The following SETDB2 variants were observed in gnomAD, a reference collection of about 807,000 sequenced individuals.
The protein encoded by SETDB2 is histone-lysine N-methyltransferase SETDB2.
In SETDB2, 56 loss-of-function variants were observed where a neutral mutation model predicts 82.5. That is an observed-to-expected ratio of 0.68 (90% CI 0.55 to 0.85). The LOEUF is 0.85. SETDB2 is among the 40% of genes least tolerant of loss of function. SETDB2 has a pLI of 0.00. For missense variants in SETDB2, 677 were observed against 816.4 expected (o/e 0.83, Z 2.08); for synonymous variants, 272 against 284.9 (o/e 0.95, Z 0.46).
At chr13:49,470,984 T>TTTTTTG (rs1958227646) in intron 5 of SETDB2, among the ~76,000 whole-genome samples, 1 of 147,430 alleles carries the variant, frequency 6.8e-6, no homozygotes, top group East Asian at 2.0e-4. Context: ...TTTTTTTTTT[T>TTTTTTG]GAGACAGCAG....
chr13:49,487,841 C>G (rs1566176331), intron 11 of SETDB2, among the ~76,000 whole-genome samples: 1 of 152,190 alleles, frequency 6.6e-6, no homozygotes, highest in Non-Finnish European at 1.5e-5. Context: ...TGGAAGGTGT[C>G]TCTGTCAGGG....
chr13:49,460,813 C>A (rs879125989), intron 3 of SETDB2, among the ~76,000 whole-genome samples: 2 of 151,654 alleles, frequency 1.3e-5, no homozygotes, highest in African/African-American at 4.8e-5. Context: ...ATGTGTTTAT[C>A]AAAAAAAATT....
rs947016803 is a variant in SETDB2 at position 49,491,962 on chromosome 13, G to T, written c.*113G>T. The T allele has an allele frequency of 2.6e-6, 2 of 772,530 alleles. No individual in the cohort carries two copies. Among genetic ancestry groups the T allele is most frequent in the Admixed American group, 3.8e-5 (2 of 52,930 alleles). 47.9% of individuals were successfully genotyped at this position (772,530 alleles called of 1,614,324 possible). A position where few individuals can be genotyped will look rare whatever the true frequency, so the allele number is the denominator to read the frequency against. Reference sequence around the variant, plus strand: ...TCCCCTCCGTTTTCCTTTGTCATGGGGTTTATGTTTTATTTCAGATTTTAT... The same window carrying T: ...TCCCCTCCGTTTTCCTTTGTCATGGTGTTTATGTTTTATTTCAGATTTTAT... On this transcript the variant is annotated 3_prime_UTR_variant, in exon 14 of 14. Coordinates refer to ENST00000611815, the MANE Select transcript of SETDB2 (RefSeq NM_001160308.3).
Position 49,480,249 on chromosome 13 carries a change from A to G in SETDB2, c.900A>G (p.Ala300=). The G allele has an allele frequency of 6.2e-7, 1 of 1,611,508 alleles. No homozygotes were observed. Among genetic ancestry groups the G allele is most frequent in the Non-Finnish European group, 8.5e-7 (1 of 1,179,192 alleles). ...ITKCACLQLT[A]RNAKTSPLSS... is the part of the protein sequence containing the mutation. ...AATGTGCATGTCTTCAACTGACAGC[A>G]AGGAATGCCAAAACTTCCCCCTTGT... Residue 300 remains alanine, a synonymous_variant, in exon 7 of 14, where the codon GCA becomes GCG. Transcript: ENST00000611815.
chr13:49,492,115 CAATTTAT>C lies in SETDB2; in HGVS notation c.*274_*280del. On this transcript the variant is annotated 3_prime_UTR_variant, in exon 14 of 14. Coordinates refer to ENST00000611815, the MANE Select transcript of SETDB2 (RefSeq NM_001160308.3). ...ATATTTTATATGAAATACCACTGTA[CAATTTAT>C]AATTTATTTACAAATTATATATTAA... The C allele has an allele frequency of 3.3e-6, 1 of 299,760 alleles. No homozygotes were observed. Among genetic ancestry groups the C allele is most frequent in the African/African-American group, 2.2e-5 (1 of 46,368 alleles). 18.6% of individuals were successfully genotyped at this position (299,760 alleles called of 1,614,324 possible).
At position 49,492,073 on chromosome 13, in the gene SETDB2, G is replaced by C. The variant is rs1049412270; in HGVS notation, c.*224G>C. 3 of 480,290 alleles carry C rather than the reference G, an allele frequency of 6.2e-6. No individual in the cohort carries two copies. Among genetic ancestry groups the C allele is most frequent in the Non-Finnish European group, 1.1e-5 (3 of 262,874 alleles). 29.8% of individuals were successfully genotyped at this position (480,290 alleles called of 1,614,324 possible). On this transcript the variant is annotated 3_prime_UTR_variant, in exon 14 of 14. Coordinates refer to ENST00000611815, the MANE Select transcript of SETDB2 (RefSeq NM_001160308.3). ...TGTTCACTGCTGTGCTACTTTACATGAGTAGGATGGAAGTGTATATTTTAT... is the reference window on the plus strand; with the variant it reads ...TGTTCACTGCTGTGCTACTTTACATCAGTAGGATGGAAGTGTATATTTTAT...
At chr13:49,488,032 G>C (rs1416311533) in intron 11 of SETDB2, among the ~76,000 whole-genome samples, 1 of 152,198 alleles carries the variant, frequency 6.6e-6, no homozygotes, top group Admixed American at 6.5e-5. Flanking sequence ...AAAAGGCATT[G>C]TTACGTAGTA....
At chr13:49,490,794 A>C (rs368801159) in intron 12 of SETDB2, 28 bp from the exon 13 acceptor site, 162 of 1,550,428 alleles carry the variant, frequency 1.0e-4, no homozygotes, top group Non-Finnish European at 1.4e-4. Context: ...TGCTATTTCT[A>C]ACCTTTGTGT....
chr13:49,482,611 G>A (rs747592063), intron 8 of SETDB2, 126 bp from the exon 9 acceptor site: 469 of 663,284 alleles, frequency 7.1e-4, no homozygotes, highest in Non-Finnish European at 1.1e-3. Context: ...TGTAGGATGA[G>A]TTAATGTGTT....
Position 49,461,098 on chromosome 13 carries a change from A to G in SETDB2, c.144A>G (p.Glu48=). Residue 48 remains glutamate, a splice_region_variant and synonymous_variant, in exon 4 of 14, where the codon GAA becomes GAG. Coordinates refer to ENST00000611815, the MANE Select transcript of SETDB2 (RefSeq NM_001160308.3). The part of the protein sequence containing the change: ...KIKDGSATNK[E]YIQAMILVNE... ...ATGCTGTTTTTCTGTCTTTAACAGAATACATCCAAGCAATGATTCTAGTGA... is the reference window on the plus strand; with the variant it reads ...ATGCTGTTTTTCTGTCTTTAACAGAGTACATCCAAGCAATGATTCTAGTGA... The G allele has an allele frequency of 6.2e-7, 1 of 1,611,182 alleles. No individual in the cohort carries two copies. The highest frequency in any genetic ancestry group is 1.1e-5 in the South Asian group (1 of 90,934).
chr13:49,484,241 T>C (rs536390071), intron 10 of SETDB2, among the ~76,000 whole-genome samples: 1 of 152,218 alleles, frequency 6.6e-6, no homozygotes, highest in South Asian at 2.1e-4. Flanking sequence ...CAAAGTAATT[T>C]AGGTGAAGGA....
intron 2 of SETDB2, among the ~76,000 whole-genome samples, chr13:49,454,891 C>T (rs1229859606): frequency 6.6e-6 from 1 of 151,892 alleles, no homozygotes; most frequent in Non-Finnish European, 1.5e-5. Context: ...CTCAGGATGA[C>T]TTTATACTCT....
At chr13:49,477,091 T>A in intron 6 of SETDB2, 52 bp downstream of exon 6, 1 of 1,447,826 alleles carries the variant, frequency 6.9e-7, no homozygotes, top group Non-Finnish European at 9.2e-7. Context: ...GTAAGGACGC[T>A]TGTTAAGAAG....
intron 5 of SETDB2, among the ~76,000 whole-genome samples, chr13:49,471,942 T>TTTTTTA (rs1566166372): frequency 7.6e-5 from 7 of 92,178 alleles, no homozygotes; most frequent in African/African-American, 2.3e-4. Context: ...ATATTTTTTT[T>TTTTTTA]TTTTTTTAAA....
At chr13:49,463,964 G>A (rs1306609854) in intron 4 of SETDB2, 4 of 713,382 alleles carry the variant, frequency 5.6e-6, no homozygotes, top group Non-Finnish European at 1.0e-5. Context: ...CCTAATACAG[G>A]AAAGCTTATT....
chr13:49,480,291 C>T lies in SETDB2; in HGVS notation c.942C>T (p.Thr314=). 6.2e-7 allele frequency: 1 copy of T among 1,611,114 alleles called. No individual in the cohort carries two copies. Among genetic ancestry groups the T allele is most frequent in the Non-Finnish European group, 8.5e-7 (1 of 1,179,014 alleles). The change falls in exon 7 of 14, where the codon ACC becomes ACT. Residue 314 remains threonine, a synonymous_variant. Transcript: ENST00000611815. ...CCCCCTTGTCAAGTGACAAAATAAC[C>T]ACTGGATATAAATATAAAAGACTAC... ...KTSPLSSDKI[T]TGYKYKRLQR...
Position 49,476,662 on chromosome 13 carries a change from A to G in SETDB2, c.492A>G (p.Arg164=). The change falls in exon 6 of 14, where the codon CGA becomes CGG. Residue 164 remains arginine (R), a synonymous_variant. Coordinates refer to ENST00000611815, the MANE Select transcript of SETDB2 (RefSeq NM_001160308.3). ...QLPIKCHFQR[R]HAKTNSHSSA... is the part of the protein sequence containing the mutation. ...CAATCAAATGTCACTTCCAAAGACG[A>G]CATGCAAAGACAAACTCTCATTCTT... 1.9e-6 allele frequency: 3 copies of G among 1,614,230 alleles called. No individual in the cohort carries two copies. The highest frequency in any genetic ancestry group is 2.5e-6 in the Non-Finnish European group (3 of 1,180,036).
Position 49,480,979 on chromosome 13 carries a change from A to G in SETDB2, c.1019A>G (p.Asn340Ser). Residue 340 changes from asparagine (N) to serine (S), a missense_variant, in exon 8 of 14, where the codon AAT (asparagine) becomes AGT (serine). Transcript: ENST00000611815. ...GAATGCAGCCTTTTGTGCAAATGTA[A>G]TCGACAATTGTGTCAAAACCGAGTT... is the stretch of plus-strand genomic sequence containing the variant. ...IYECSLLCKC[N>S]RQLCQNRVVQ... 1.2e-6 allele frequency: 2 copies of G among 1,614,132 alleles called. No individual in the cohort carries two copies. The highest frequency in any genetic ancestry group is 2.2e-5 in the South Asian group (2 of 91,084).
chr13:49,475,653 A>AT (rs892975007), intron 5 of SETDB2, among the ~76,000 whole-genome samples: 7 of 151,354 alleles, frequency 4.6e-5, no homozygotes, highest in East Asian at 1.9e-4. Context: ...TACCTTACTA[A>AT]TTTTTTTTAC....
Sources: gnomAD v4.1 joint callset for allele counts (sites outside exome capture counted in the v4.1 genomes callset) on GRCh38, gnomAD v4.1.1 for gene constraint, MANE v1.5 for transcripts, NCBI Gene and HGNC (gene_info 2026-07-23, HGNC 2026-07-21) for gene names.